Variants in EYS observed in about 807,000 individuals in gnomAD.
EYS encodes protein eyes shut homolog.
In EYS, 250 loss-of-function variants were observed where a neutral mutation model predicts 282.1. The observed-to-expected ratio is 0.89, with a 90% CI of 0.80 to 0.98. The LOEUF (loss-of-function observed/expected upper bound fraction) is 0.98. EYS is among the 50% of genes least tolerant of loss of function. EYS has a pLI of 0.00. For missense variants in EYS, 4,016 were observed against 3,709.0 expected, an observed-to-expected ratio of 1.08 and a Z score of -2.15; for synonymous variants, 1,355 against 1,282.9, an observed-to-expected ratio of 1.06 and a Z score of -1.20.
chr6:64,726,771 C>T (rs1355132376), intron 22 of EYS, among the ~76,000 whole-genome samples: 1 of 152,038 alleles, frequency 6.6e-6, no homozygotes, highest in Non-Finnish European at 1.5e-5. Flanking sequence ...TAGCCGAAAG[C>T]AGATATAATA....
intron 18 of EYS, among the ~76,000 whole-genome samples, chr6:64,889,264 A>G (rs1004124886): frequency 6.6e-6 from 1 of 152,028 alleles, no homozygotes; most frequent in South Asian, 2.1e-4. Flanking sequence ...TATCTTAAAT[A>G]TACTTACTTA....
At chr6:64,204,829 TC>T (rs1267617695) in intron 31 of EYS, among the ~76,000 whole-genome samples, 1 of 152,158 alleles carries the variant, frequency 6.6e-6, no homozygotes, top group Non-Finnish European at 1.5e-5. Context: ...AATATTTCAT[TC>T]TTGTGAATTT....
chr6:64,125,331 T>TA (rs1288179164), intron 31 of EYS, among the ~76,000 whole-genome samples: 1 of 151,994 alleles, frequency 6.6e-6, no homozygotes, highest in African/African-American at 2.4e-5. Flanking sequence ...TGGATGGAGT[T>TA]AGACTGAAGG....
At chr6:65,411,648 C>T (rs1204890028) in intron 5 of EYS, among the ~76,000 whole-genome samples, 2 of 151,990 alleles carry the variant, frequency 1.3e-5, no homozygotes, top group Non-Finnish European at 2.9e-5. Flanking sequence ...TCTACCATTT[C>T]CTGATCACTG....
At chr6:65,601,573 G>A (rs1033380349) in intron 2 of EYS, among the ~76,000 whole-genome samples, 2 of 151,876 alleles carry the variant, frequency 1.3e-5, no homozygotes, top group African/African-American at 4.8e-5. Flanking sequence ...ATTCTATCCA[G>A]AAAACAATAT....
intron 26 of EYS, among the ~76,000 whole-genome samples, chr6:64,584,273 A>G (rs1766161013): frequency 6.6e-6 from 1 of 152,020 alleles, no homozygotes; most frequent in Admixed American, 6.6e-5. Flanking sequence ...GTGCATGTAT[A>G]CATGTATTTA....
intron 37 of EYS, among the ~76,000 whole-genome samples, chr6:63,802,949 T>G (rs528073703): frequency 8.5e-5 from 13 of 152,342 alleles, no homozygotes; most frequent in Non-Finnish European, 1.6e-4. Context: ...CATTAATTCC[T>G]CTGCATACAA....
intron 34 of EYS, 108 bp from the exon 35 acceptor site, chr6:63,984,711 G>C: frequency 1.1e-6 from 1 of 912,482 alleles, no homozygotes; most frequent in Non-Finnish European, 1.7e-6. Context: ...GTGTTTTTCT[G>C]TGTAAAAGAG....
intron 22 of EYS, among the ~76,000 whole-genome samples, chr6:64,686,524 G>A (rs544476425): frequency 6.0e-5 from 9 of 150,940 alleles, no homozygotes; most frequent in South Asian, 2.1e-4. Flanking sequence ...GGCGGATCAC[G>A]AGGTCAGGAG....
intron 29 of EYS, among the ~76,000 whole-genome samples, chr6:64,324,876 G>A (rs1333079536): frequency 6.6e-6 from 1 of 152,008 alleles, no homozygotes; most frequent in Admixed American, 6.6e-5. Flanking sequence ...TAACCACAAA[G>A]AAAATGAAAT....
At chr6:64,649,107 A>G (rs1768460147) in intron 22 of EYS, among the ~76,000 whole-genome samples, 1 of 152,172 alleles carries the variant, frequency 6.6e-6, no homozygotes, top group Non-Finnish European at 1.5e-5. Flanking sequence ...GTCCAGATGA[A>G]GAGTATACAA....
At chr6:65,008,479 C>T (rs552498445) in intron 13 of EYS, among the ~76,000 whole-genome samples, 3 of 152,100 alleles carry the variant, frequency 2.0e-5, no homozygotes, top group Admixed American at 6.5e-5. Context: ...AAAAGGCTAC[C>T]GCTTTAGTCA....
intron 19 of EYS, among the ~76,000 whole-genome samples, chr6:64,834,389 G>GA (rs1340745398): frequency 6.6e-6 from 1 of 151,644 alleles, no homozygotes; most frequent in African/African-American, 2.4e-5. Context: ...AGAGCTGCAT[G>GA]AAAAAATGGA....
chr6:65,610,099 T>C (rs764100289), intron 2 of EYS, among the ~76,000 whole-genome samples: 2 of 151,874 alleles, frequency 1.3e-5, no homozygotes, highest in African/African-American at 2.4e-5. Context: ...GTAGAGACAG[T>C]ATCTTACTAA....
intron 12 of EYS, among the ~76,000 whole-genome samples, chr6:65,266,989 T>TAG (rs1554173094): frequency 3.9e-4 from 55 of 142,110 alleles, no homozygotes; most frequent in Middle Eastern, 3.5e-3. Context: ...TATATATATA[T>TAG]AGAGAGAGAG....
At chr6:65,117,295 C>T (rs539763520) in intron 12 of EYS, among the ~76,000 whole-genome samples, 6 of 152,144 alleles carry the variant, frequency 3.9e-5, no homozygotes, top group African/African-American at 1.4e-4. Context: ...AGACAAAGCA[C>T]CTTCTAAAGC....
intron 30 of EYS, among the ~76,000 whole-genome samples, chr6:64,239,912 A>G (rs1766742043): frequency 6.6e-6 from 1 of 152,178 alleles, no homozygotes; most frequent in African/African-American, 2.4e-5. Flanking sequence ...TCTTTAATCC[A>G]TCTTAACTTA....
chr6:64,509,158 G>A (rs1384539714), intron 26 of EYS, among the ~76,000 whole-genome samples: 2 of 152,002 alleles, frequency 1.3e-5, no homozygotes, highest in Non-Finnish European at 2.9e-5. Flanking sequence ...GCTGTGACAA[G>A]TCCCTATTTT....
At chr6:63,737,976 A>T (rs1468126871) in intron 41 of EYS, among the ~76,000 whole-genome samples, 1 of 152,240 alleles carries the variant, frequency 6.6e-6, no homozygotes, top group African/African-American at 2.4e-5. Flanking sequence ...CCAAAAAAAC[A>T]CATAAAGAAA....
Sources: gnomAD v4.1 joint callset for allele counts (sites outside exome capture counted in the v4.1 genomes callset) on GRCh38, gnomAD v4.1.1 for gene constraint, MANE v1.5 for transcripts, NCBI Gene and HGNC (gene_info 2026-07-23, HGNC 2026-07-21) for gene names.